The following CRIM1 variants were observed in gnomAD, a reference collection of about 807,000 sequenced individuals.
CRIM1 encodes cysteine rich transmembrane BMP regulator 1, also known as cysteine-rich motor neuron 1 protein.
In CRIM1, 32 loss-of-function variants were observed where a neutral mutation model predicts 116.4. The ratio of observed to expected loss-of-function variants is 0.27; its 90% CI spans 0.21 to 0.37. The LOEUF (loss-of-function observed/expected upper bound fraction) is 0.37, where lower values mean the gene tolerates loss of function less well. Ranked by LOEUF, CRIM1 falls within the 10% of genes least tolerant of loss-of-function variation. CRIM1 has a pLI of 1.00. For missense variants in CRIM1, 1,331 were observed against 1,354.8 expected (o/e 0.98, Z 0.28); for synonymous variants, 590 against 509.2 (o/e 1.16, Z -2.13).
intron 13 of CRIM1, among the ~76,000 whole-genome samples, chr2:36,524,603 T>A (rs1292560086): frequency 3.3e-5 from 5 of 152,130 alleles, no homozygotes; most frequent in African/African-American, 1.2e-4. Flanking sequence ...TAACAGCAGA[T>A]CTCTCGTGTG....
intron 13 of CRIM1, among the ~76,000 whole-genome samples, chr2:36,523,041 G>A (rs761000547): frequency 2.0e-4 from 29 of 148,156 alleles, no homozygotes; most frequent in African/African-American, 6.2e-4. Context: ...TGCAACCTCC[G>A]CCTCCTGGGT....
chr2:36,405,972 C>G (rs537733293), intron 2 of CRIM1, among the ~76,000 whole-genome samples: 14 of 152,128 alleles, frequency 9.2e-5, no homozygotes, highest in Non-Finnish European at 1.6e-4. Context: ...CATAGGTTTA[C>G]CCATTTGGTC....
At chr2:36,481,337 G>T (rs1679400940) in intron 7 of CRIM1, among the ~76,000 whole-genome samples, 1 of 152,156 alleles carries the variant, frequency 6.6e-6, no homozygotes, top group African/African-American at 2.4e-5. Context: ...TGATGTTTGG[G>T]TAAGGAGTGA....
chr2:36,515,193 A>G (rs1664957945), intron 11 of CRIM1, among the ~76,000 whole-genome samples: 1 of 152,240 alleles, frequency 6.6e-6, no homozygotes, highest in Non-Finnish European at 1.5e-5. Flanking sequence ...TCTTTGCTAA[A>G]CATGTCCTCA....
intron 4 of CRIM1, among the ~76,000 whole-genome samples, chr2:36,457,349 C>T (rs904145468): frequency 6.7e-6 from 1 of 148,398 alleles, no homozygotes; most frequent in Non-Finnish European, 1.5e-5. Flanking sequence ...AAAAACAAAG[C>T]GTAAAACAAC....
At chr2:36,393,629 G>A (rs1379345510) in intron 1 of CRIM1, among the ~76,000 whole-genome samples, 1 of 152,186 alleles carries the variant, frequency 6.6e-6, no homozygotes, top group Non-Finnish European at 1.5e-5. Context: ...GAGCATAGAG[G>A]ATGGAGCAGC....
intron 1 of CRIM1, among the ~76,000 whole-genome samples, chr2:36,378,145 G>A (rs1303533440): frequency 6.6e-6 from 1 of 152,200 alleles, no homozygotes; most frequent in Non-Finnish European, 1.5e-5. Flanking sequence ...GCGATAGATG[G>A]GTAGATAGAT....
chr2:36,428,937 A>G (rs1674661164), intron 2 of CRIM1, among the ~76,000 whole-genome samples: 2 of 152,236 alleles, frequency 1.3e-5, no homozygotes, highest in African/African-American at 2.4e-5. Context: ...AGGTGTGGCC[A>G]CGTGACTGAG....
At chr2:36,364,451 C>T (rs1383253734) in intron 1 of CRIM1, among the ~76,000 whole-genome samples, 3 of 152,188 alleles carry the variant, frequency 2.0e-5, no homozygotes, top group African/African-American at 4.8e-5. Context: ...ACAATCAGTT[C>T]AGTAAGCCAT....
chr2:36,549,015 A>T lies in CRIM1; in HGVS notation c.*314A>T. On this transcript the variant is annotated 3_prime_UTR_variant, in exon 17 of 17. Coordinates refer to ENST00000280527, the MANE Select transcript of CRIM1 (RefSeq NM_016441.3). ...GAGTTTGGATGGGGAAATGGGTGGG[A>T]GGGTGGTGTTGGGAAGAAAAATTGG... 7 of 167,000 alleles carry T rather than the reference A, an allele frequency of 4.2e-5. No homozygotes were observed. Among genetic ancestry groups the T allele is most frequent in the East Asian group, 3.3e-4 (2 of 6,126 alleles). 10.3% of individuals were successfully genotyped at this position (167,000 alleles called of 1,614,324 possible).
intron 1 of CRIM1, among the ~76,000 whole-genome samples, chr2:36,368,611 T>C (rs1465272388): frequency 6.6e-6 from 1 of 152,232 alleles, no homozygotes; most frequent in African/African-American, 2.4e-5. Flanking sequence ...CCTTCCAGAA[T>C]GAGGTACTAG....
chr2:36,376,095 C>T (rs369745652), intron 1 of CRIM1, among the ~76,000 whole-genome samples: 1 of 152,172 alleles, frequency 6.6e-6, no homozygotes, highest in Non-Finnish European at 1.5e-5. Context: ...GCCTGGACTT[C>T]CCTAAGCTTA....
intron 2 of CRIM1, among the ~76,000 whole-genome samples, chr2:36,412,883 A>G (rs1673317403): frequency 6.6e-6 from 1 of 152,168 alleles, no homozygotes. Flanking sequence ...GATCTTTTAA[A>G]TCTTATGTGA....
chr2:36,399,898 GAATTA>G (rs1375565529), intron 2 of CRIM1, among the ~76,000 whole-genome samples: 1 of 152,210 alleles, frequency 6.6e-6, no homozygotes, highest in Non-Finnish European at 1.5e-5. Flanking sequence ...GAGGACAAAT[GAATTA>G]ACTAGGGAAA....
intron 13 of CRIM1, among the ~76,000 whole-genome samples, chr2:36,529,990 A>T (rs1367263061): frequency 6.6e-6 from 1 of 152,246 alleles, no homozygotes; most frequent in Non-Finnish European, 1.5e-5. Flanking sequence ...CCGACATGAC[A>T]GCATGTACCT....
chr2:36,390,862 T>C (rs1671522991), intron 1 of CRIM1, among the ~76,000 whole-genome samples: 1 of 152,084 alleles, frequency 6.6e-6, no homozygotes, highest in Non-Finnish European at 1.5e-5. Context: ...CAGGCTCAAG[T>C]GCAGTGGTGC....
At chr2:36,517,187 C>A in intron 11 of CRIM1, 140 bp from the exon 12 acceptor site, 1 of 654,324 alleles carries the variant, frequency 1.5e-6, no homozygotes, top group South Asian at 1.9e-5. Flanking sequence ...ATATTTTCTT[C>A]ACTATTCTCT....
intron 2 of CRIM1, among the ~76,000 whole-genome samples, chr2:36,433,761 G>C (rs1675081558): frequency 6.6e-6 from 1 of 152,164 alleles, no homozygotes; most frequent in South Asian, 2.1e-4. Context: ...CAGTCTTACA[G>C]ATCACTTTTT....
chr2:36,385,595 C>G (rs1279929175), intron 1 of CRIM1, among the ~76,000 whole-genome samples: 1 of 152,106 alleles, frequency 6.6e-6, no homozygotes, highest in East Asian at 1.9e-4. Flanking sequence ...GGACCATCAG[C>G]AGGAGTCTCC....
Sources: gnomAD v4.1 joint callset for allele counts (sites outside exome capture counted in the v4.1 genomes callset) on GRCh38, gnomAD v4.1.1 for gene constraint, MANE v1.5 for transcripts, NCBI Gene and HGNC (gene_info 2026-07-23, HGNC 2026-07-21) for gene names.